The following ITCH variants were observed in gnomAD, a reference collection of about 807,000 sequenced individuals.
The protein encoded by ITCH is itchy E3 ubiquitin protein ligase.
A neutral mutation model predicts 126.8 loss-of-function variants in ITCH; 28 were observed. The observed-to-expected ratio is 0.22, with a 90% CI of 0.16 to 0.30. The LOEUF (loss-of-function observed/expected upper bound fraction) is 0.30. Ranked by LOEUF, ITCH falls within the 10% of genes least tolerant of loss-of-function variation. The pLI is 1.00. For synonymous variants in ITCH, 342 were observed against 340.0 expected (o/e 1.01, Z -0.06); for missense variants, 631 against 1,032.4 (o/e 0.61, Z 5.33).
chr20:34,425,556 A>G (rs1331660116), intron 7 of ITCH, among the ~76,000 whole-genome samples: 2 of 152,182 alleles, frequency 1.3e-5, no homozygotes, highest in Non-Finnish European at 2.9e-5. Context: ...CTATTCTGAG[A>G]TAGGAGAAAA....
chr20:34,428,435 A>G (rs1981844613), intron 7 of ITCH, among the ~76,000 whole-genome samples: 1 of 152,004 alleles, frequency 6.6e-6, no homozygotes, highest in Non-Finnish European at 1.5e-5. Flanking sequence ...GTGTTTATTG[A>G]TCTGTTTTCC....
chr20:34,410,028 G>A (rs1019930841), intron 4 of ITCH, among the ~76,000 whole-genome samples: 5 of 148,206 alleles, frequency 3.4e-5, no homozygotes, highest in African/African-American at 1.3e-4. Context: ...GCAATGTAGC[G>A]AGACCCTGTC....
intron 12 of ITCH, among the ~76,000 whole-genome samples, chr20:34,455,351 G>A (rs900944251): frequency 6.6e-6 from 1 of 152,066 alleles, no homozygotes; most frequent in African/African-American, 2.4e-5. Context: ...GATACAGCAG[G>A]AATCCCATCT....
intron 6 of ITCH, among the ~76,000 whole-genome samples, chr20:34,416,669 T>TA: frequency 6.6e-6 from 1 of 152,276 alleles, no homozygotes; most frequent in South Asian, 2.1e-4. Flanking sequence ...AAATGGCAGT[T>TA]ATATAAATAA....
At chr20:34,424,549 C>T (rs774397871) in intron 7 of ITCH, 24 bp downstream of exon 7, 1 of 1,591,274 alleles carries the variant, frequency 6.3e-7, no homozygotes, top group Non-Finnish European at 8.6e-7. Flanking sequence ...GATTGCTTAC[C>T]ACAGAATGCG....
intron 21 of ITCH, 105 bp downstream of exon 21, chr20:34,489,491 A>T: frequency 9.2e-7 from 1 of 1,091,614 alleles, no homozygotes; most frequent in Non-Finnish European, 1.4e-6. Flanking sequence ...TAATATTTTT[A>T]TACTGGGGCA....
At chr20:34,421,570 C>T (rs1018421137) in intron 6 of ITCH, among the ~76,000 whole-genome samples, 2 of 151,780 alleles carry the variant, frequency 1.3e-5, no homozygotes, top group African/African-American at 4.8e-5. Context: ...TCTTCTTGGA[C>T]GTTCATTGTA....
chr20:34,440,997 A>G (rs1341666219), intron 9 of ITCH, among the ~76,000 whole-genome samples: 1 of 152,016 alleles, frequency 6.6e-6, no homozygotes, highest in Non-Finnish European at 1.5e-5. Context: ...TAGGCTGGGC[A>G]TGGTGGCTCA....
chr20:34,395,052 T>G (rs557991380), intron 3 of ITCH, among the ~76,000 whole-genome samples: 1 of 151,818 alleles, frequency 6.6e-6, no homozygotes, highest in African/African-American at 2.4e-5. Flanking sequence ...GCCAACATGG[T>G]GAAACCCCGT....
chr20:34,408,937 C>A, intron 4 of ITCH, 145 bp downstream of exon 4: 1 of 816,696 alleles, frequency 1.2e-6, no homozygotes, highest in South Asian at 1.8e-5. Context: ...TTTCCTAGGA[C>A]TCCTTCTGGT....
intron 3 of ITCH, among the ~76,000 whole-genome samples, chr20:34,400,036 T>C (rs2038817453): frequency 6.6e-6 from 1 of 151,964 alleles, no homozygotes; most frequent in Non-Finnish European, 1.5e-5. Flanking sequence ...ACTCCCTGGT[T>C]CAAGCAATTT....
chr20:34,366,278 C>A (rs2037418124), intron 1 of ITCH, among the ~76,000 whole-genome samples: 1 of 151,950 alleles, frequency 6.6e-6, no homozygotes, highest in Non-Finnish European at 1.5e-5. Flanking sequence ...TGGGTCTCAC[C>A]CAGTCACGCA....
At position 34,504,386 on chromosome 20, in the gene ITCH, A is replaced by G. The variant is rs1243160723; in HGVS notation, c.2472A>G (p.Leu824=). 6.2e-7 allele frequency: 1 copy of G among 1,611,378 alleles called. No individual in the cohort carries two copies. The highest frequency in any genetic ancestry group is 8.5e-7 in the Non-Finnish European group (1 of 1,177,610). ...CIEKVGKENW[L]PRSHTCFNRL... is the part of the protein sequence containing the mutation. The stretch of plus-strand genomic sequence containing the variant: ...AAAAAGTTGGGAAAGAAAATTGGCT[A>G]CCCAGAAGTCATACCTGGTAAGTAC... The change falls in exon 24 of 25, where the codon CTA becomes CTG. Residue 824 remains leucine, a synonymous_variant. Transcript: ENST00000374864.
At chr20:34,392,717 T>C (rs1349429748) in intron 2 of ITCH, among the ~76,000 whole-genome samples, 1 of 152,184 alleles carries the variant, frequency 6.6e-6, no homozygotes, top group East Asian at 1.9e-4. Flanking sequence ...TTGTATCTTA[T>C]TTCTTCTTTT....
intron 2 of ITCH, among the ~76,000 whole-genome samples, chr20:34,391,395 G>A (rs933081552): frequency 2.6e-5 from 4 of 152,078 alleles, no homozygotes; most frequent in African/African-American, 9.7e-5. Context: ...TGTACATACT[G>A]ATGGGGTGAT....
At chr20:34,369,850 T>C (rs2037552984) in intron 2 of ITCH, among the ~76,000 whole-genome samples, 1 of 152,026 alleles carries the variant, frequency 6.6e-6, no homozygotes, top group African/African-American at 2.4e-5. Flanking sequence ...ATGCCTGTAA[T>C]TCCAGCACTT....
At chr20:34,402,187 G>T in intron 3 of ITCH, 2 of 1,401,048 alleles carry the variant, frequency 1.4e-6, no homozygotes, top group Non-Finnish European at 2.0e-6. Flanking sequence ...GGTTCTGGAG[G>T]TTCCAGGGCA....
chr20:34,398,143 A>G (rs943351514), intron 3 of ITCH, among the ~76,000 whole-genome samples: 1 of 151,946 alleles, frequency 6.6e-6, no homozygotes, highest in Non-Finnish European at 1.5e-5. Flanking sequence ...GCTCACTGCA[A>G]CCTTGATCTC....
chr20:34,446,672 A>G (rs1984510419), intron 11 of ITCH, among the ~76,000 whole-genome samples: 1 of 151,528 alleles, frequency 6.6e-6, no homozygotes, highest in African/African-American at 2.4e-5. Context: ...CTTCCTTTCT[A>G]AATTATAATC....
Sources: gnomAD v4.1 joint callset for allele counts (sites outside exome capture counted in the v4.1 genomes callset) on GRCh38, gnomAD v4.1.1 for gene constraint, MANE v1.5 for transcripts, NCBI Gene and HGNC (gene_info 2026-07-23, HGNC 2026-07-21) for gene names.